The following RNF111 variants were observed in gnomAD, a reference collection of about 807,000 sequenced individuals.
The protein encoded by RNF111 is E3 ubiquitin-protein ligase Arkadia.
A neutral mutation model predicts 95.1 loss-of-function variants in RNF111; 17 were observed. That is an observed-to-expected ratio of 0.18 (90% CI 0.12 to 0.27). RNF111 has a LOEUF of 0.27. Among genes scored for constraint, RNF111 ranks in the 10% least tolerant of loss-of-function variants. RNF111 has a pLI of 1.00. For synonymous variants in RNF111, 440 were observed against 414.8 expected (o/e 1.06, Z -0.74); for missense variants, 1,189 against 1,210.4 (o/e 0.98, Z 0.26).
In RNF111 at chr15:59,084,179, A is replaced by G; in HGVS notation, c.2348A>G (p.Tyr783Cys). The change falls in exon 9 of 14, where the codon TAT (tyrosine) becomes TGT (cysteine). Residue 783 changes from tyrosine (Y) to cysteine (C), a missense_variant. By Grantham distance (194) the Tyr-to-Cys change is radical. This residue lies in a region of RNF111 where 165 missense variants were observed against 284.6 expected (regional missense o/e 0.58). Coordinates refer to ENST00000348370, the MANE Select transcript of RNF111 (RefSeq NM_017610.8). ...PPHPHRMHPNYGHGHHIHVPQ... is the reference protein window; with the variant it reads ...PPHPHRMHPNCGHGHHIHVPQ... ...CATCCACATAGGATGCACCCAAACT[A>G]TGGTCATGGGCATCATATTCATGTG... is the stretch of plus-strand genomic sequence containing the variant. 1.2e-6 allele frequency: 2 copies of G among 1,605,010 alleles called. No homozygotes were observed. The highest frequency in any genetic ancestry group is 1.7e-6 in the Non-Finnish European group (2 of 1,175,944).
chr15:59,034,271 G>A (rs7164061), intron 2 of RNF111, among the ~76,000 whole-genome samples: 5,616 of 152,146 alleles, frequency 0.037, 183 homozygotes, highest in African/African-American at 0.087. Context: ...TTGTGCTTGC[G>A]TTTTATACAC....
rs1015559625 is a variant in RNF111 at position 59,085,446 on chromosome 15, C to T, written c.2424-213C>T. 5 of 293,940 alleles carry T rather than the reference C, an allele frequency of 1.7e-5. No individual in the cohort carries two copies. In the South Asian group the frequency reaches 3.4e-4, roughly 20 times the overall value. 18.2% of individuals were successfully genotyped at this position (293,940 alleles called of 1,614,324 possible). ...TGTGAAACCAAGTAGAAATGCTTTG[C>T]TCCTCATTGTCACAAAATTTAAGTT... is the stretch of plus-strand genomic sequence containing the variant. On this transcript the variant is annotated intron_variant, in intron 9 of 13. Coordinates refer to ENST00000348370, the MANE Select transcript of RNF111 (RefSeq NM_017610.8).
chr15:59,053,486 C>G (rs547887351), intron 3 of RNF111, among the ~76,000 whole-genome samples: 44 of 152,290 alleles, frequency 2.9e-4, no homozygotes, highest in Admixed American at 1.9e-3. Flanking sequence ...ATTCATATTT[C>G]TGACATCTGT....
intron 2 of RNF111, among the ~76,000 whole-genome samples, chr15:59,038,096 A>C (rs1271222574): frequency 6.6e-6 from 1 of 152,190 alleles, no homozygotes; most frequent in East Asian, 1.9e-4. Flanking sequence ...ACATTTCCTG[A>C]AAATAATTTT....
intron 2 of RNF111, among the ~76,000 whole-genome samples, chr15:59,037,634 C>G (rs12909361): frequency 6.6e-6 from 1 of 152,008 alleles, no homozygotes; most frequent in Non-Finnish European, 1.5e-5. Flanking sequence ...GTCTGGAGTT[C>G]GAGACCAGCC....
intron 3 of RNF111, 138 bp downstream of exon 3, chr15:59,052,569 ATTTTTTTTTTT>A: frequency 8.0e-6 from 2 of 248,818 alleles, no homozygotes; most frequent in South Asian, 1.1e-4. Context: ...AGATTAGTGG[ATTTTTTTTTTT>A]TTTTTTTTTT....
At chr15:59,006,514 T>C (rs2141490864) in intron 1 of RNF111, among the ~76,000 whole-genome samples, 1 of 152,330 alleles carries the variant, frequency 6.6e-6, no homozygotes, top group East Asian at 1.9e-4. Flanking sequence ...CATTTTATTA[T>C]GCAAAATTGC....
intron 7 of RNF111, among the ~76,000 whole-genome samples, chr15:59,077,445 A>G (rs1194777945): frequency 6.6e-6 from 1 of 152,242 alleles, no homozygotes; most frequent in Non-Finnish European, 1.5e-5. Context: ...CAGAGGTAGT[A>G]ACTGTTCTAT....
chr15:58,997,908 T>C (rs2039151659), intron 1 of RNF111, among the ~76,000 whole-genome samples: 1 of 151,660 alleles, frequency 6.6e-6, no homozygotes, highest in Non-Finnish European at 1.5e-5. Flanking sequence ...TTTTTGTTTG[T>C]TTTTTGTTTT....
intron 3 of RNF111, 105 bp downstream of exon 3, chr15:59,052,536 C>T: frequency 2.3e-6 from 2 of 879,562 alleles, no homozygotes; most frequent in African/African-American, 1.8e-5. Context: ...ATTTTTGAGA[C>T]CCAGTTTGAG....
Position 59,055,721 on chromosome 15 carries a change from C to A in RNF111, c.1047C>A (p.Ser349Arg), listed in dbSNP as rs1343410751. The A allele has an allele frequency of 6.2e-7, 1 of 1,613,718 alleles. No homozygotes were observed. Among genetic ancestry groups the A allele is most frequent in the East Asian group, 2.2e-5 (1 of 44,868 alleles). Residue 349 changes from serine (S) to arginine (R), a missense_variant, in exon 4 of 14, where the codon AGC becomes AGA. Ser to Arg is a moderately radical substitution (Grantham distance 110). Around this residue, in one of 2 missense-constraint regions of RNF111, gnomAD observed 1,024 missense variants for 925.9 expected, o/e 1.11. Transcript: ENST00000348370. ...STLGHSRSHW[S>R]QGSSSHASRP... ...TTGGACACTCCAGATCTCATTGGAGCCAGGGTTCCAGTTCTCATGCAAGTC... is the reference window on the plus strand; with the variant it reads ...TTGGACACTCCAGATCTCATTGGAGACAGGGTTCCAGTTCTCATGCAAGTC...
intron 6 of RNF111, among the ~76,000 whole-genome samples, chr15:59,068,612 T>G (rs72746812): frequency 0.029 from 4,371 of 152,044 alleles, 102 homozygotes; most frequent in Non-Finnish European, 0.044. Context: ...AAGTTCGTTT[T>G]TTTTTCTTTT....
chr15:59,007,139 C>T (rs553652261), intron 1 of RNF111, among the ~76,000 whole-genome samples: 1 of 152,174 alleles, frequency 6.6e-6, no homozygotes, highest in East Asian at 1.9e-4. Context: ...TAAGTTTTGC[C>T]AAATGCATCT....
intron 5 of RNF111, among the ~76,000 whole-genome samples, chr15:59,066,298 T>C (rs1331862128): frequency 2.0e-5 from 3 of 152,106 alleles, no homozygotes; most frequent in African/African-American, 7.2e-5. Flanking sequence ...TAAAATCATA[T>C]GATGTATATG....
chr15:59,001,550 C>T (rs1462758093), intron 1 of RNF111, among the ~76,000 whole-genome samples: 1 of 152,088 alleles, frequency 6.6e-6, no homozygotes, highest in Non-Finnish European at 1.5e-5. Context: ...ATAATCATGA[C>T]AGTTTTACCA....
chr15:59,066,348 C>T (rs1456672504), intron 5 of RNF111, among the ~76,000 whole-genome samples: 3 of 152,144 alleles, frequency 2.0e-5, no homozygotes, highest in Non-Finnish European at 1.5e-5. Context: ...TGGTGGCTCA[C>T]GCCTGTAATC....
At chr15:59,078,646 G>C (rs933932774) in intron 7 of RNF111, among the ~76,000 whole-genome samples, 2 of 151,874 alleles carry the variant, frequency 1.3e-5, no homozygotes, top group Non-Finnish European at 2.9e-5. Context: ...ATCACCTGAG[G>C]TCAGGAGTTC....
chr15:59,013,450 C>T (rs1251039896), intron 1 of RNF111, among the ~76,000 whole-genome samples: 6 of 152,092 alleles, frequency 3.9e-5, no homozygotes. Context: ...TTTTATAGAC[C>T]ATCCCTGAAT....
rs556046310 is a variant in RNF111, at chr15:59,080,606, A to C, written c.1949-330A>C. 6.0e-4 allele frequency among the ~76,000 whole-genome samples: 91 copies of C among 152,252 alleles called. 2 individuals carry two copies. Among genetic ancestry groups the C allele is most frequent in the Middle Eastern group, 6.8e-3 (2 of 294 alleles). ...GTGTAAATGAAAGAGTGAGTGCAGG[A>C]GTGAGCATATACACAGATATTTATC... On this transcript the variant is annotated intron_variant, in intron 7 of 13. Coordinates refer to ENST00000348370, the MANE Select transcript of RNF111 (RefSeq NM_017610.8).
Sources: allele counts gnomAD v4.1 joint callset (sites outside exome capture counted in the v4.1 genomes callset), GRCh38; gene constraint gnomAD v4.1.1; regional missense constraint gnomAD v4.1.1; transcripts MANE v1.5; gene names NCBI Gene and HGNC (gene_info 2026-07-23, HGNC 2026-07-21).